ALDH3A2: variants seen among roughly 807,000 people sequenced by gnomAD.
ALDH3A2 encodes aldehyde dehydrogenase family 3 member A2.
In ALDH3A2, 36 loss-of-function variants were observed where a neutral mutation model predicts 51.3. The ratio of observed to expected loss-of-function variants is 0.70; its 90% CI spans 0.54 to 0.93. The LOEUF is 0.93. Among genes scored for constraint, ALDH3A2 ranks in the 40% least tolerant of loss-of-function variants. The pLI, the probability that ALDH3A2 is intolerant of heterozygous loss-of-function variation, is 0.00. For missense variants in ALDH3A2, 552 were observed against 603.1 expected (o/e 0.92, Z 0.89); for synonymous variants, 199 against 219.8 (o/e 0.91, Z 0.84).
In ALDH3A2 at chr17:19,648,809, T is replaced by C; in HGVS notation, c.-163T>C. The C allele has an allele frequency of 1.0e-6, 1 of 994,006 alleles. No homozygotes were observed. Among genetic ancestry groups the C allele is most frequent in the Non-Finnish European group, 1.5e-6 (1 of 681,366 alleles). 61.6% of individuals were successfully genotyped at this position (994,006 alleles called of 1,614,324 possible). On this transcript the variant is annotated 5_prime_UTR_variant, in exon 1 of 10. Transcript: ENST00000176643. ...ACTCAGCGGGCGTGGAGGTCGCGGCTGAGCGAGCGAGCCCTGGGCGAGTGA... is the reference window on the plus strand; with the variant it reads ...ACTCAGCGGGCGTGGAGGTCGCGGCCGAGCGAGCGAGCCCTGGGCGAGTGA...
Position 19,671,971 on chromosome 17 carries a change from C to T in ALDH3A2, c.1443+15C>T. On this transcript the variant is annotated intron_variant, in intron 9 of 9. Transcript: ENST00000176643. ...TGCTTGTCAAGGTGAGTCCCTATAA[C>T]CCATGAGTGCCATTCAGTCTGGTCC... is the stretch of plus-strand genomic sequence containing the variant. The T allele has an allele frequency of 1.2e-6, 2 of 1,603,642 alleles. No homozygotes were observed. The highest frequency in any genetic ancestry group is 1.1e-5 in the South Asian group (1 of 90,852).
At chr17:19,659,137 A>T (rs534187938) in intron 5 of ALDH3A2, among the ~76,000 whole-genome samples, 106 of 151,222 alleles carry the variant, frequency 7.0e-4, no homozygotes, top group South Asian at 4.6e-3. Flanking sequence ...AGGCTGAGGC[A>T]CAAGAATTGC....
At chr17:19,666,416 C>T (rs1425569866) in intron 8 of ALDH3A2, among the ~76,000 whole-genome samples, 2 of 152,156 alleles carry the variant, frequency 1.3e-5, no homozygotes, top group African/African-American at 4.8e-5. Context: ...ATCTAAGTGA[C>T]TTGGGTTCAG....
rs1316679835 is a variant in ALDH3A2, at chr17:19,676,812, T to A, written c.*1240T>A. On this transcript the variant is annotated 3_prime_UTR_variant, in exon 10 of 10. Coordinates refer to ENST00000176643, the MANE Select transcript of ALDH3A2 (RefSeq NM_000382.3). ...TTCACTTTTTGAAACTATAGAGAGA[T>A]CCCTTTCTGATTAGCCTACAGAACT... The A allele has an allele frequency of 1.3e-5, 2 of 152,190 alleles. No individual in the cohort carries two copies. The highest frequency in any genetic ancestry group is 4.8e-5 in the African/African-American group (2 of 41,442). The allele number at this position is 152,190 out of a possible 1,614,324, so 9.4% of individuals were successfully genotyped here.
chr17:19,667,041 T>C (rs1161889733), intron 8 of ALDH3A2, among the ~76,000 whole-genome samples: 1 of 152,074 alleles, frequency 6.6e-6, no homozygotes, highest in Non-Finnish European at 1.5e-5. Flanking sequence ...TTGGAAAAGA[T>C]AGAAGAGCCC....
In ALDH3A2 at chr17:19,664,992, A is replaced by G. The variant is rs763838083; in HGVS notation, c.1152A>G (p.Thr384=). The G allele has an allele frequency of 6.2e-7, 1 of 1,614,080 alleles. No individual in the cohort carries two copies. Among genetic ancestry groups the G allele is most frequent in the Non-Finnish European group, 8.5e-7 (1 of 1,179,990 alleles). The stretch of plus-strand genomic sequence containing the variant: ...ATGAGACATCCAGTGGAGGTGTCAC[A>G]GGCAATGACGTCATTATGCACTTCA... The part of the protein sequence containing the change: ...MIDETSSGGV[T]GNDVIMHFTL... The change falls in exon 8 of 10, where the codon ACA becomes ACG. Residue 384 remains threonine, a synonymous_variant. Coordinates refer to ENST00000176643, the MANE Select transcript of ALDH3A2 (RefSeq NM_000382.3).
intron 9 of ALDH3A2, among the ~76,000 whole-genome samples, chr17:19,672,951 G>C (rs1053331068): frequency 1.3e-5 from 2 of 152,106 alleles, no homozygotes; most frequent in African/African-American, 4.8e-5. Flanking sequence ...TGAGGGAGGA[G>C]AATCACTTGA....
At chr17:19,666,604 C>T (rs1263196559) in intron 8 of ALDH3A2, among the ~76,000 whole-genome samples, 1 of 151,994 alleles carries the variant, frequency 6.6e-6, no homozygotes, top group Non-Finnish European at 1.5e-5. Context: ...TGGTGAAACC[C>T]CATCTCTACT....
intron 8 of ALDH3A2, among the ~76,000 whole-genome samples, chr17:19,667,156 A>C (rs1290832078): frequency 1.3e-5 from 2 of 152,214 alleles, no homozygotes; most frequent in African/African-American, 2.4e-5. Flanking sequence ...TGAATATTCT[A>C]TTCAAAAAGG....
rs765282472 is a variant in ALDH3A2 at position 19,657,756 on chromosome 17, G to A, written c.692G>A (p.Trp231Ter). 1 of 1,612,342 alleles carries A rather than the reference G, an allele frequency of 6.2e-7. No individual in the cohort carries two copies. The highest frequency in any genetic ancestry group is 8.5e-7 in the Non-Finnish European group (1 of 1,178,448). ...TGTTTTCCCCTCAGACGCATAACCT[G>A]GGGAAAATACATGAATTGTGGCCAA... is the stretch of plus-strand genomic sequence containing the variant. ...DLDIVCRRITWGKYMNCGQTC... is the reference protein window; with the variant it reads ...DLDIVCRRIT Residue 231 changes from tryptophan to a stop codon, truncating the protein, a stop_gained, in exon 5 of 10, where the codon TGG (tryptophan) becomes TAG (stop). Coordinates refer to ENST00000176643, the MANE Select transcript of ALDH3A2 (RefSeq NM_000382.3). LOFTEE classifies it high-confidence loss of function.
At chr17:19,673,039 TCAACAA>T in intron 9 of ALDH3A2, 1 of 1,426,684 alleles carries the variant, frequency 7.0e-7, no homozygotes, top group Non-Finnish European at 9.9e-7. Flanking sequence ...AGACTCCATC[TCAACAA>T]CAACAACAAC....
chr17:19,651,234 C>T (rs1033661002), intron 1 of ALDH3A2, among the ~76,000 whole-genome samples: 3 of 152,168 alleles, frequency 2.0e-5, no homozygotes, highest in Admixed American at 2.0e-4. Context: ...TCAAGGAAAT[C>T]TTCCTGAAAG....
At position 19,654,658 on chromosome 17, in the gene ALDH3A2, T is replaced by C. The variant is rs189443212; in HGVS notation, c.472-1708T>C. On this transcript the variant is annotated intron_variant, in intron 3 of 9. Transcript: ENST00000176643. This position sits in a 1 kb window ranked among gnomAD's most constrained non-coding sequence, Gnocchi z 4.5. ...CCCACCCAGAACTCGCTCTGGCTTG[T>C]GAGCGCCACGCGCAGCCCCGGTTCC... 5.3e-5 allele frequency among the ~76,000 whole-genome samples: 8 copies of C among 151,894 alleles called. No homozygotes were observed. In the East Asian group the frequency reaches 1.6e-3, roughly 30 times the overall value.
At chr17:19,653,752 C>G (rs1161557760) in intron 3 of ALDH3A2, among the ~76,000 whole-genome samples, 2 of 152,172 alleles carry the variant, frequency 1.3e-5, no homozygotes, top group Non-Finnish European at 2.9e-5. Context: ...ACAAAGCTTC[C>G]ACAGTGTCAA....
At chr17:19,673,094 C>T in intron 9 of ALDH3A2, 1 of 1,611,522 alleles carries the variant, frequency 6.2e-7, no homozygotes, top group South Asian at 1.1e-5. Flanking sequence ...TACAGTATCC[C>T]AGCCTTAGTG....
Position 19,656,483 on chromosome 17 carries a change from G to A in ALDH3A2, c.589G>A (p.Ala197Thr). 4 of 1,614,176 alleles carry A rather than the reference G, an allele frequency of 2.5e-6. No individual in the cohort carries two copies. The highest frequency in any genetic ancestry group is 3.4e-6 in the Non-Finnish European group (4 of 1,180,028). ...TAVGKIVMEA[A>T]AKHLTPVTLE... ...GGTTGGCAAAATTGTCATGGAAGCT[G>A]CTGCCAAGCATCTGACCCCTGTGAC... Residue 197 changes from alanine (A) to threonine (T), a missense_variant, in exon 4 of 10, where the codon GCT becomes ACT. Physicochemically the swap from Ala to Thr is moderately conservative, Grantham distance 58. Coordinates refer to ENST00000176643, the MANE Select transcript of ALDH3A2 (RefSeq NM_000382.3).
chr17:19,663,310 C>T, intron 6 of ALDH3A2, 23 bp from the exon 7 acceptor site: 1 of 1,612,538 alleles, frequency 6.2e-7, no homozygotes, highest in Non-Finnish European at 8.5e-7. Context: ...TAAGCATTTT[C>T]ATTTTGTTTA....
At chr17:19,656,077 T>C (rs1313640506) in intron 3 of ALDH3A2, 1 of 429,058 alleles carries the variant, frequency 2.3e-6, no homozygotes, top group South Asian at 2.1e-5. Context: ...GCATTTTCCC[T>C]GGTCAAATTC....
In ALDH3A2 at chr17:19,654,537, C is replaced by T. The variant is rs1266038003; in HGVS notation, c.472-1829C>T. Among the ~76,000 whole-genome samples the T allele has an allele frequency of 2.0e-5, 3 of 152,174 alleles. No individual in the cohort carries two copies. The highest frequency in any genetic ancestry group is 1.3e-4 in the Admixed American group (2 of 15,288). ...TGGCATTGCTGGGGGACCCGGGGCA[C>T]CCTCCTCAGCAGCTGGCCCAGGTGC... On this transcript the variant is annotated intron_variant, in intron 3 of 9. Coordinates refer to ENST00000176643, the MANE Select transcript of ALDH3A2 (RefSeq NM_000382.3). This position sits in a 1 kb window ranked among gnomAD's most constrained non-coding sequence, Gnocchi z 4.5.
Sources: gnomAD v4.1 joint callset for allele counts (sites outside exome capture counted in the v4.1 genomes callset) on GRCh38, gnomAD v4.1.1 for gene constraint, Gnocchi (gnomAD v3.1) non-coding constraint, MANE v1.5 for transcripts, NCBI Gene and HGNC (gene_info 2026-07-23, HGNC 2026-07-21) for gene names.